RGS6: variants seen among roughly 807,000 people sequenced by gnomAD.
The protein encoded by RGS6 is regulator of G protein signaling 6, also known as regulator of G-protein signaling 6.
A neutral mutation model predicts 78.5 loss-of-function variants in RGS6; 30 were observed. That is an observed-to-expected ratio of 0.38 (90% CI 0.29 to 0.52). The LOEUF (loss-of-function observed/expected upper bound fraction) is 0.52, where lower values mean the gene tolerates loss of function less well. RGS6 is among the 20% of genes least tolerant of loss of function. The probability of loss-of-function intolerance (pLI) is 0.85; values close to 1 mark genes in which losing one functional copy is unlikely to be tolerated. For synonymous variants in RGS6, 206 were observed against 206.0 expected, an observed-to-expected ratio of 1.00 and a Z score of 0.00; for missense variants, 495 against 609.7, an observed-to-expected ratio of 0.81 and a Z score of 1.98.
intron 2 of RGS6, among the ~76,000 whole-genome samples, chr14:72,232,074 C>T (rs2158986): frequency 6.6e-6 from 1 of 152,026 alleles, no homozygotes; most frequent in South Asian, 2.1e-4. Flanking sequence ...AAACTGTTAC[C>T]GTAATCCAGG....
rs970268941 is a variant in RGS6, at chr14:72,068,966, T to G, written c.84+104091T>G. On this transcript the variant is annotated intron_variant, in intron 2 of 17. Transcript: ENST00000553525. ...TTCTGTTTATTCTACTTTTGTTTCT[T>G]TCTCTTGTTTTATTTATTTTTTTGA... Among the ~76,000 whole-genome samples, 3 of 152,092 alleles carry G rather than the reference T, an allele frequency of 2.0e-5. No individual in the cohort carries two copies. In the East Asian group the frequency reaches 5.8e-4, roughly 29 times the overall value.
At chr14:71,911,212 A>G in the RGS6 span, among the ~76,000 whole-genome samples, 1 of 151,778 alleles carries the variant, frequency 6.6e-6, no homozygotes, top group Admixed American at 6.6e-5. Flanking sequence ...GGCCAATATC[A>G]CTGCCTGTCT....
intron 2 of RGS6, among the ~76,000 whole-genome samples, chr14:72,087,437 C>CATAT (rs551060263): frequency 2.0e-5 from 3 of 151,172 alleles, no homozygotes; most frequent in Non-Finnish European, 3.0e-5. Context: ...GGCCGAAATG[C>CATAT]ATATATATAT....
chr14:72,512,332 C>T (rs2096888665), intron 14 of RGS6, among the ~76,000 whole-genome samples: 1 of 152,130 alleles, frequency 6.6e-6, no homozygotes, highest in Non-Finnish European at 1.5e-5. Flanking sequence ...CTAGAAAGTC[C>T]CGAGTGTAGC....
rs138839471 is a variant in RGS6, at chr14:71,956,759, C to G, written c.-20-8013C>G. Reference sequence around the variant, plus strand: ...CACACCCAGGATCAATACTTTGCATCCTTCAATCTAATCAAGTTGACACTC... The same window carrying G: ...CACACCCAGGATCAATACTTTGCATGCTTCAATCTAATCAAGTTGACACTC... On this transcript the variant is annotated intron_variant, in intron 1 of 17. Transcript: ENST00000553525. Among the ~76,000 whole-genome samples the G allele has an allele frequency of 1.2e-4, 19 of 152,246 alleles. No homozygotes were observed. In the East Asian group the frequency reaches 3.7e-3, roughly 29 times the overall value.
chr14:72,218,871 A>G (rs183493242), intron 2 of RGS6, among the ~76,000 whole-genome samples: 1 of 152,112 alleles, frequency 6.6e-6, no homozygotes, highest in East Asian at 2.0e-4. Flanking sequence ...TGGCCTTCCA[A>G]AGTGCTGGGA....
chr14:72,459,791 GGTCCTTTCTGCTTA>G lies in RGS6; in HGVS notation c.394+118_394+131del, dbSNP rs2095730975. 2.8e-6 allele frequency: 3 copies of G among 1,082,888 alleles called. No individual in the cohort carries two copies. In the East Asian group the frequency reaches 7.1e-5, roughly 26 times the overall value. The allele number at this position is 1,082,888 out of a possible 1,614,324, so 67.1% of individuals were successfully genotyped here. ...GGCCATGGTGGTACATGGGGAGGAG[GGTCCTTTCTGCTTA>G]GTCCTTTCTCATATTGTTGCTATAT... On this transcript the variant is annotated intron_variant, in intron 6 of 17. Transcript: ENST00000553525.
intron 2 of RGS6, among the ~76,000 whole-genome samples, chr14:72,213,440 C>G (rs2044681325): frequency 6.6e-6 from 1 of 152,152 alleles, no homozygotes; most frequent in Non-Finnish European, 1.5e-5. Context: ...TTCTCTGTCT[C>G]ATAAATGATT....
At chr14:72,236,879 C>T (rs943631914) in intron 2 of RGS6, among the ~76,000 whole-genome samples, 1 of 152,058 alleles carries the variant, frequency 6.6e-6, no homozygotes, top group Non-Finnish European at 1.5e-5. Flanking sequence ...AGATGGGCGG[C>T]GGCCGGGCAA....
chr14:72,399,390 T>C (rs945875471), intron 3 of RGS6, among the ~76,000 whole-genome samples: 3 of 152,118 alleles, frequency 2.0e-5, no homozygotes, highest in African/African-American at 7.2e-5. Context: ...GCTTGGTAGA[T>C]CTTCCTCCAT....
the RGS6 span, among the ~76,000 whole-genome samples, chr14:71,925,688 C>A: frequency 9.2e-6 from 1 of 108,706 alleles, no homozygotes; most frequent in Non-Finnish European, 1.9e-5. Flanking sequence ...TTTCTTGGTG[C>A]CTTTGTCAAA....
At chr14:72,599,237 G>A in the RGS6 span, among the ~76,000 whole-genome samples, 29 of 152,108 alleles carry the variant, frequency 1.9e-4, no homozygotes, top group African/African-American at 6.0e-4. Flanking sequence ...AACAGCACTG[G>A]GTGGGTGTCA....
chr14:72,184,754 T>C (rs2097217303), intron 2 of RGS6, among the ~76,000 whole-genome samples: 1 of 152,228 alleles, frequency 6.6e-6, no homozygotes, highest in South Asian at 2.1e-4. Context: ...CACAAGAAGA[T>C]AAATGTTTTA....
At chr14:72,541,298 G>A (rs1331999629) in intron 17 of RGS6, 2 of 889,982 alleles carry the variant, frequency 2.2e-6, no homozygotes, top group African/African-American at 3.6e-5. Flanking sequence ...AAGCAGCCTA[G>A]TCATTTACGT....
chr14:72,295,575 A>G (rs1242948511), intron 2 of RGS6, among the ~76,000 whole-genome samples: 1 of 152,082 alleles, frequency 6.6e-6, no homozygotes, highest in Non-Finnish European at 1.5e-5. Flanking sequence ...AGGTGACAAC[A>G]TTTTTTACCA....
At chr14:72,417,091 C>T (rs545607049) in intron 3 of RGS6, among the ~76,000 whole-genome samples, 21 of 152,252 alleles carry the variant, frequency 1.4e-4, no homozygotes, top group South Asian at 6.2e-4. Flanking sequence ...GATTTATCAG[C>T]GCCACTCCCT....
At chr14:72,301,449 T>C (rs542838753) in intron 2 of RGS6, among the ~76,000 whole-genome samples, 1 of 152,284 alleles carries the variant, frequency 6.6e-6, no homozygotes, top group East Asian at 1.9e-4. Context: ...GATAGAGTCA[T>C]GTCTTAGTTT....
chr14:71,886,578 A>T, the RGS6 span, among the ~76,000 whole-genome samples: 5 of 152,228 alleles, frequency 3.3e-5, no homozygotes, highest in African/African-American at 9.6e-5. Flanking sequence ...AGTGGACAAG[A>T]CCAACATAGC....
At chr14:72,615,237 G>T in the RGS6 span, among the ~76,000 whole-genome samples, 1 of 152,054 alleles carries the variant, frequency 6.6e-6, no homozygotes. Context: ...CACGGGCGGC[G>T]CAACACCCCC....
Sources: gnomAD v4.1 joint callset for allele counts (sites outside exome capture counted in the v4.1 genomes callset) on GRCh38, gnomAD v4.1.1 for gene constraint, MANE v1.5 for transcripts, NCBI Gene and HGNC (gene_info 2026-07-23, HGNC 2026-07-21) for gene names.